CMC1: variants seen among roughly 807,000 people sequenced by gnomAD.
CMC1 encodes COX assembly mitochondrial protein homolog.
Under a neutral mutation model 14.1 loss-of-function variants are expected in CMC1, and 14 were observed. The observed-to-expected ratio is 0.99, with a 90% CI of 0.66 to 1.55. The LOEUF (loss-of-function observed/expected upper bound fraction) is 1.55, where lower values mean the gene tolerates loss of function less well. Ranked by LOEUF, CMC1 falls within the 40% of genes most tolerant of loss-of-function variation. CMC1 has a pLI of 0.00. For synonymous variants in CMC1, 50 were observed against 38.4 expected (o/e 1.30, Z -1.12); for missense variants, 127 against 123.8 (o/e 1.03, Z -0.12).
intron 2 of CMC1, chr3:28,294,526 A>G (rs1701644188): frequency 3.6e-6 from 3 of 826,578 alleles, no homozygotes; most frequent in Non-Finnish European, 4.4e-6. Flanking sequence ...CTACATAAAT[A>G]GTAGTGAGTA....
intron 2 of CMC1, among the ~76,000 whole-genome samples, chr3:28,279,907 G>A (rs1385240570): frequency 6.6e-6 from 1 of 152,140 alleles, no homozygotes; most frequent in East Asian, 1.9e-4. Context: ...CAGTGACCTA[G>A]CAACTCTTTC....
chr3:28,294,403 GT>G (rs1226874147), intron 2 of CMC1: 1 of 655,146 alleles, frequency 1.5e-6, no homozygotes, highest in Non-Finnish European at 1.9e-6. Flanking sequence ...TTTTTGTCAT[GT>G]GAAATAAATT....
chr3:28,275,715 A>C (rs1326525475), intron 2 of CMC1, among the ~76,000 whole-genome samples: 5 of 152,096 alleles, frequency 3.3e-5, no homozygotes, highest in Non-Finnish European at 5.9e-5. Context: ...CAGCAGGGGA[A>C]AGACTAAGTC....
intron 1 of CMC1, among the ~76,000 whole-genome samples, chr3:28,262,564 T>C (rs564598337): frequency 1.3e-5 from 2 of 152,152 alleles, no homozygotes; most frequent in South Asian, 4.1e-4. Context: ...CACCCACTTT[T>C]GGCATGCGTG....
chr3:28,274,312 G>A (rs1700469339), intron 2 of CMC1, among the ~76,000 whole-genome samples: 1 of 148,094 alleles, frequency 6.8e-6, no homozygotes, highest in African/African-American at 2.5e-5. Flanking sequence ...GCCTGGTGGT[G>A]ATGAATTCCC....
chr3:28,283,362 A>C (rs1700994494), intron 2 of CMC1, among the ~76,000 whole-genome samples: 1 of 151,908 alleles, frequency 6.6e-6, no homozygotes. Flanking sequence ...AAAAATAAAA[A>C]AAAAAAATTA....
chr3:28,267,301 T>C (rs1157419029), intron 2 of CMC1, among the ~76,000 whole-genome samples: 1 of 152,204 alleles, frequency 6.6e-6, no homozygotes, highest in East Asian at 1.9e-4. Flanking sequence ...ATTTCTTTGC[T>C]TTTTTTGAAG....
At chr3:28,319,366 T>C (rs1312375161) in intron 3 of CMC1, 143 bp from the exon 4 acceptor site, 1 of 775,064 alleles carries the variant, frequency 1.3e-6, no homozygotes, top group Non-Finnish European at 2.3e-6. Flanking sequence ...AAGTTAACAG[T>C]GAATTTTTAA....
intron 2 of CMC1, among the ~76,000 whole-genome samples, chr3:28,295,174 C>A (rs371370350): frequency 6.6e-6 from 1 of 152,056 alleles, no homozygotes; most frequent in African/African-American, 2.4e-5. Context: ...TTAGCCTTTA[C>A]TTTCATTTTA....
intron 2 of CMC1, among the ~76,000 whole-genome samples, chr3:28,275,407 A>G (rs1464945303): frequency 7.2e-6 from 1 of 138,156 alleles, no homozygotes; most frequent in Admixed American, 7.7e-5. Flanking sequence ...TCCGCTTCAG[A>G]CCCTATTTAC....
chr3:28,255,552 C>T (rs995023058), intron 1 of CMC1, among the ~76,000 whole-genome samples: 4 of 151,858 alleles, frequency 2.6e-5, no homozygotes, highest in Middle Eastern at 3.2e-3. Context: ...GGCCTGTTTC[C>T]GGTAGCTTCT....
chr3:28,272,538 G>T (rs1700350788), intron 2 of CMC1, among the ~76,000 whole-genome samples: 1 of 152,158 alleles, frequency 6.6e-6, no homozygotes, highest in Non-Finnish European at 1.5e-5. Context: ...ATTTGCATGT[G>T]TTGAACCAGC....
At chr3:28,298,006 G>C (rs1022723573) in intron 2 of CMC1, among the ~76,000 whole-genome samples, 1 of 151,940 alleles carries the variant, frequency 6.6e-6, no homozygotes, top group Non-Finnish European at 1.5e-5. Context: ...TGAGATGTTG[G>C]TCTGGTTCAA....
chr3:28,264,057 G>T (rs543206864), intron 2 of CMC1, among the ~76,000 whole-genome samples: 29 of 152,232 alleles, frequency 1.9e-4, no homozygotes, highest in African/African-American at 7.0e-4. Flanking sequence ...ATTTGTAAAT[G>T]ATGAGTTATT....
chr3:28,289,969 A>T (rs540475203), intron 2 of CMC1, among the ~76,000 whole-genome samples: 33 of 152,276 alleles, frequency 2.2e-4, no homozygotes, highest in Admixed American at 1.1e-3. Flanking sequence ...AAGTTTATGT[A>T]AATGTTTCTT....
chr3:28,296,009 C>G (rs1397756432), intron 2 of CMC1, among the ~76,000 whole-genome samples: 1 of 152,032 alleles, frequency 6.6e-6, no homozygotes, highest in Non-Finnish European at 1.5e-5. Context: ...TGCCCTAAAC[C>G]AGTTACTTTC....
At chr3:28,303,204 T>TG (rs1702148534) in intron 2 of CMC1, among the ~76,000 whole-genome samples, 1 of 152,198 alleles carries the variant, frequency 6.6e-6, no homozygotes, top group Non-Finnish European at 1.5e-5. Context: ...GCCATTTTCA[T>TG]GTTTTTATTG....
At chr3:28,244,661 G>A (rs532359894) in intron 1 of CMC1, among the ~76,000 whole-genome samples, 3 of 152,196 alleles carry the variant, frequency 2.0e-5, no homozygotes, top group African/African-American at 4.8e-5. Flanking sequence ...GGAAGGCAGC[G>A]GTTGCAGTGA....
chr3:28,271,626 A>G (rs1700297153), intron 2 of CMC1, among the ~76,000 whole-genome samples: 1 of 152,222 alleles, frequency 6.6e-6, no homozygotes. Flanking sequence ...GAAGTCAGGT[A>G]GCATGATGCC....
Sources: gnomAD v4.1 joint callset for allele counts (sites outside exome capture counted in the v4.1 genomes callset) on GRCh38, gnomAD v4.1.1 for gene constraint, MANE v1.5 for transcripts, NCBI Gene and HGNC (gene_info 2026-07-23, HGNC 2026-07-21) for gene names.